NBAS: variants seen among roughly 807,000 people sequenced by gnomAD.
The protein encoded by NBAS is NBAS subunit of NRZ tethering complex.
In NBAS, 219 loss-of-function variants were observed where a neutral mutation model predicts 302.5. The observed-to-expected ratio is 0.72, with a 90% CI of 0.65 to 0.81. The LOEUF is 0.81. Among genes scored for constraint, NBAS ranks in the 30% least tolerant of loss-of-function variants. The pLI is 0.00. For missense variants in NBAS, 2,932 were observed against 2,841.6 expected, an observed-to-expected ratio of 1.03 and a Z score of -0.72; for synonymous variants, 1,118 against 1,021.6, an observed-to-expected ratio of 1.09 and a Z score of -1.80.
At chr2:15,102,403 G>A in the NBAS span, among the ~76,000 whole-genome samples, 1 of 152,188 alleles carries the variant, frequency 6.6e-6, no homozygotes, top group African/African-American at 2.4e-5. Context: ...ATTAGGCAAT[G>A]TTTGAGGAAT....
intron 21 of NBAS, among the ~76,000 whole-genome samples, chr2:15,439,509 G>A (rs1439036847): frequency 6.6e-6 from 1 of 152,004 alleles, no homozygotes; most frequent in African/African-American, 2.4e-5. Context: ...GAGGGGAGGA[G>A]CCAAGATGGC....
intron 40 of NBAS, among the ~76,000 whole-genome samples, chr2:15,306,586 A>T (rs1290877456): frequency 6.6e-6 from 1 of 152,200 alleles, no homozygotes; most frequent in Non-Finnish European, 1.5e-5. Flanking sequence ...TAGAACTTTG[A>T]CAGACACATG....
At position 15,551,499 on chromosome 2, in the gene NBAS, A is replaced by G. The variant is rs185983651; in HGVS notation, c.373T>C (p.Cys125Arg). Residue 125 changes from cysteine (C) to arginine (R), a missense_variant, in exon 6 of 52, where the codon TGT becomes CGT. Transcript: ENST00000281513. ...KDDFTSIIGKCQVPKDPKPQW... is the reference protein window; with the variant it reads ...KDDFTSIIGKRQVPKDPKPQW... ...ATATTTTGGAAACTCTTACCTTGAC[A>G]TTTCCCAATAATGGATGTAAAATCA... The G allele has an allele frequency of 6.2e-7, 1 of 1,608,334 alleles. No individual in the cohort carries two copies. Among genetic ancestry groups the G allele is most frequent in the Non-Finnish European group, 8.5e-7 (1 of 1,176,406 alleles).
the NBAS span, among the ~76,000 whole-genome samples, chr2:14,878,873 A>AC: frequency 6.6e-6 from 1 of 152,158 alleles, no homozygotes; most frequent in Non-Finnish European, 1.5e-5. Flanking sequence ...ATGGGTTTAG[A>AC]CAAACATATG....
chr2:15,187,948 TGA>T (rs1394081055), intron 49 of NBAS, among the ~76,000 whole-genome samples: 1 of 152,238 alleles, frequency 6.6e-6, no homozygotes, highest in East Asian at 1.9e-4. Flanking sequence ...CACAGTTCTG[TGA>T]GAGTGTCTGG....
chr2:15,358,705 A>T (rs1673748617), intron 32 of NBAS, among the ~76,000 whole-genome samples: 1 of 152,132 alleles, frequency 6.6e-6, no homozygotes, highest in Non-Finnish European at 1.5e-5. Flanking sequence ...TCAGCCTCCC[A>T]AAATGTTGGG....
chr2:14,873,765 A>G, the NBAS span, among the ~76,000 whole-genome samples: 1 of 151,592 alleles, frequency 6.6e-6, no homozygotes, highest in Non-Finnish European at 1.5e-5. Context: ...AAATTAAAAT[A>G]TATTTTGAAC....
intron 51 of NBAS, among the ~76,000 whole-genome samples, chr2:15,171,712 A>T (rs1664298955): frequency 6.6e-6 from 1 of 152,164 alleles, no homozygotes; most frequent in African/African-American, 2.4e-5. Flanking sequence ...TCACAATGTG[A>T]CTTTATTTAC....
At chr2:14,924,900 G>T in the NBAS span, among the ~76,000 whole-genome samples, 1 of 152,076 alleles carries the variant, frequency 6.6e-6, no homozygotes, top group Non-Finnish European at 1.5e-5. Context: ...AAGAAAGTTA[G>T]GTCTCTCAGC....
the NBAS span, among the ~76,000 whole-genome samples, chr2:15,093,106 G>A: frequency 6.6e-6 from 1 of 152,202 alleles, no homozygotes; most frequent in Admixed American, 6.5e-5. Flanking sequence ...AATCAAAGAC[G>A]TGAAACTAAA....
chr2:14,868,335 T>C, the NBAS span, among the ~76,000 whole-genome samples: 1 of 152,156 alleles, frequency 6.6e-6, no homozygotes, highest in African/African-American at 2.4e-5. Context: ...GTTTCTAATA[T>C]TGGAAGTAAT....
At chr2:15,331,528 GAAAA>G (rs889703629) in intron 35 of NBAS, among the ~76,000 whole-genome samples, 2 of 152,112 alleles carry the variant, frequency 1.3e-5, no homozygotes, top group Non-Finnish European at 2.9e-5. Context: ...TTAAACAGAA[GAAAA>G]CCTTAAGGCT....
intron 48 of NBAS, among the ~76,000 whole-genome samples, chr2:15,206,863 G>A (rs1488860022): frequency 1.3e-5 from 2 of 152,198 alleles, no homozygotes; most frequent in Non-Finnish European, 2.9e-5. Flanking sequence ...TGGAGGTCCA[G>A]GAAAACGTCT....
the NBAS span, among the ~76,000 whole-genome samples, chr2:15,113,238 A>T: frequency 6.6e-6 from 1 of 151,792 alleles, no homozygotes; most frequent in Non-Finnish European, 1.5e-5. Context: ...AAAAAAGGAG[A>T]TGCATATATA....
chr2:15,221,244 T>C (rs954062252), intron 47 of NBAS, among the ~76,000 whole-genome samples: 2 of 152,210 alleles, frequency 1.3e-5, no homozygotes, highest in Non-Finnish European at 2.9e-5. Flanking sequence ...CAGACTTTCC[T>C]AAGAACTCTA....
At chr2:15,212,402 C>T (rs1666454280) in intron 48 of NBAS, among the ~76,000 whole-genome samples, 1 of 152,196 alleles carries the variant, frequency 6.6e-6, no homozygotes, top group Admixed American at 6.5e-5. Context: ...CTGCTTCCTT[C>T]CACTTTCTTC....
chr2:15,428,132 T>C (rs1474313351), intron 21 of NBAS, among the ~76,000 whole-genome samples: 2 of 152,182 alleles, frequency 1.3e-5, no homozygotes, highest in South Asian at 2.1e-4. Flanking sequence ...GTCTTCTGGA[T>C]TGTAAGCTGT....
chr2:15,558,912 T>C (rs1304414150), intron 1 of NBAS, among the ~76,000 whole-genome samples: 1 of 151,120 alleles, frequency 6.6e-6, no homozygotes, highest in Non-Finnish European at 1.5e-5. Flanking sequence ...CTACAAAAAA[T>C]ACAAAAATTG....
chr2:15,117,410 G>A, the NBAS span, among the ~76,000 whole-genome samples: 43 of 152,170 alleles, frequency 2.8e-4, no homozygotes, highest in African/African-American at 1.0e-3. Context: ...TTCAGGTCCT[G>A]TTCAGAGCCC....
Sources: gnomAD v4.1 joint callset for allele counts (sites outside exome capture counted in the v4.1 genomes callset) on GRCh38, gnomAD v4.1.1 for gene constraint, MANE v1.5 for transcripts, NCBI Gene and HGNC (gene_info 2026-07-23, HGNC 2026-07-21) for gene names.